LRMDA: variants seen among roughly 807,000 people sequenced by gnomAD.
LRMDA encodes the protein leucine rich melanocyte differentiation associated.
Under a neutral mutation model 29.8 loss-of-function variants are expected in LRMDA, and 18 were observed. The ratio of observed to expected loss-of-function variants is 0.60; its 90% CI spans 0.42 to 0.90. LRMDA has a LOEUF of 0.90. Among genes scored for constraint, LRMDA ranks in the 40% least tolerant of loss-of-function variants. LRMDA has a pLI of 0.00. For missense variants in LRMDA, 273 were observed against 273.9 expected, an observed-to-expected ratio of 1.00 and a Z score of 0.02; for synonymous variants, 125 against 109.4, an observed-to-expected ratio of 1.14 and a Z score of -0.89.
At chr10:76,252,678 T>A (rs1346070983) in intron 5 of LRMDA, among the ~76,000 whole-genome samples, 1 of 152,180 alleles carries the variant, frequency 6.6e-6, no homozygotes, top group African/African-American at 2.4e-5. Flanking sequence ...TAGGGAGATG[T>A]TAGGTTTTTC....
At chr10:75,754,803 C>CGCGA (rs1158171584) in intron 2 of LRMDA, among the ~76,000 whole-genome samples, 5 of 152,130 alleles carry the variant, frequency 3.3e-5, no homozygotes, top group Non-Finnish European at 7.3e-5. Flanking sequence ...CTTTCTCTCT[C>CGCGA]GGTCACTGCC....
chr10:76,412,203 G>A (rs1841969246), intron 6 of LRMDA, among the ~76,000 whole-genome samples: 1 of 152,206 alleles, frequency 6.6e-6, no homozygotes, highest in Non-Finnish European at 1.5e-5. Context: ...GTTAAGAAAA[G>A]GTGCTTGTAG....
chr10:76,045,081 T>A (rs1423166606), intron 3 of LRMDA, among the ~76,000 whole-genome samples: 1 of 150,798 alleles, frequency 6.6e-6, no homozygotes, highest in Non-Finnish European at 1.5e-5. Context: ...AGTTTCCCCC[T>A]CTCTTGCTAG....
intron 2 of LRMDA, among the ~76,000 whole-genome samples, chr10:76,013,496 G>A (rs544420332): frequency 9.9e-5 from 15 of 152,170 alleles, no homozygotes; most frequent in South Asian, 2.1e-4. Flanking sequence ...ACAGAAGAGC[G>A]CTCTTTAAGG....
intron 6 of LRMDA, among the ~76,000 whole-genome samples, chr10:76,467,187 A>G (rs1270915217): frequency 2.0e-5 from 3 of 152,212 alleles, no homozygotes; most frequent in Non-Finnish European, 4.4e-5. Context: ...GAAAACGTGA[A>G]TTAAGTGTGG....
chr10:76,532,213 T>G (rs2132374474), intron 6 of LRMDA, among the ~76,000 whole-genome samples: 1 of 152,242 alleles, frequency 6.6e-6, no homozygotes, highest in African/African-American at 2.4e-5. Flanking sequence ...TGTGTGATGT[T>G]CCCCTCCCTG....
intron 2 of LRMDA, among the ~76,000 whole-genome samples, chr10:75,742,368 C>G (rs1842840352): frequency 6.6e-6 from 1 of 152,128 alleles, no homozygotes; most frequent in South Asian, 2.1e-4. Context: ...GCAGACAGTT[C>G]AACAAGATGG....
intron 5 of LRMDA, among the ~76,000 whole-genome samples, chr10:76,076,345 CAAAAAAA>C (rs397846101): frequency 2.0e-5 from 1 of 50,028 alleles, no homozygotes; most frequent in Non-Finnish European, 3.5e-5. Flanking sequence ...GACTCCATCT[CAAAAAAA>C]AAAAAAAAAA....
At chr10:76,508,877 T>C (rs10824419) in intron 6 of LRMDA, among the ~76,000 whole-genome samples, 41,999 of 152,064 alleles carry the variant, frequency 0.28, 6,448 homozygotes, top group Non-Finnish European at 0.34. Flanking sequence ...GTGATAGAAC[T>C]ACTATTTGAA....
At chr10:75,778,549 A>G (rs1428336672) in intron 2 of LRMDA, among the ~76,000 whole-genome samples, 2 of 152,158 alleles carry the variant, frequency 1.3e-5, no homozygotes, top group East Asian at 1.9e-4. Context: ...TAGTCAATCA[A>G]TGAGGATGGG....
intron 2 of LRMDA, among the ~76,000 whole-genome samples, chr10:75,452,743 G>A (rs1844475311): frequency 6.6e-6 from 1 of 151,984 alleles, no homozygotes; most frequent in Non-Finnish European, 1.5e-5. Context: ...GGAGTTTGAG[G>A]CAGCAATTTT....
intron 2 of LRMDA, among the ~76,000 whole-genome samples, chr10:75,598,311 G>A (rs1053737868): frequency 2.0e-5 from 3 of 152,124 alleles, no homozygotes; most frequent in African/African-American, 7.2e-5. Flanking sequence ...GAAGCTGTGT[G>A]CTCGTCTCTC....
intron 6 of LRMDA, among the ~76,000 whole-genome samples, chr10:76,428,231 TGAGA>T (rs148602813): frequency 6.6e-6 from 1 of 151,768 alleles, no homozygotes; most frequent in Non-Finnish European, 1.5e-5. Context: ...AGTTCTTCAT[TGAGA>T]GAGAGAGAGC....
chr10:75,943,513 T>G (rs1451687771), intron 2 of LRMDA, among the ~76,000 whole-genome samples: 2 of 152,186 alleles, frequency 1.3e-5, no homozygotes, highest in Non-Finnish European at 2.9e-5. Flanking sequence ...TTTATGTCAT[T>G]AGAAAGAAAA....
At chr10:76,539,042 G>A (rs1291467798) in intron 6 of LRMDA, among the ~76,000 whole-genome samples, 1 of 151,770 alleles carries the variant, frequency 6.6e-6, no homozygotes. Flanking sequence ...TTAGTCAGTT[G>A]GTCTATTTTT....
intron 6 of LRMDA, among the ~76,000 whole-genome samples, chr10:76,365,062 G>A (rs1244134452): frequency 5.2e-5 from 5 of 95,872 alleles, no homozygotes; most frequent in Admixed American, 1.2e-4. Context: ...GTATTCCATC[G>A]TATATATATA....
chr10:75,733,303 T>C (rs1487388870), intron 2 of LRMDA, among the ~76,000 whole-genome samples: 1 of 152,220 alleles, frequency 6.6e-6, no homozygotes, highest in Admixed American at 6.5e-5. Context: ...TTATTCTGAA[T>C]TGATTCCTGT....
At chr10:76,444,662 C>T (rs1389174101) in intron 6 of LRMDA, among the ~76,000 whole-genome samples, 1 of 152,076 alleles carries the variant, frequency 6.6e-6, no homozygotes, top group Non-Finnish European at 1.5e-5. Context: ...CAGAACTCAC[C>T]CTATCACACG....
intron 5 of LRMDA, among the ~76,000 whole-genome samples, chr10:76,233,275 G>A (rs1852093712): frequency 1.3e-5 from 2 of 152,330 alleles, no homozygotes; most frequent in South Asian, 4.1e-4. Context: ...TCTGTGAGGT[G>A]TATGATAACA....
Sources: allele counts gnomAD v4.1 joint callset (sites outside exome capture counted in the v4.1 genomes callset), GRCh38; gene constraint gnomAD v4.1.1; transcripts MANE v1.5; gene names NCBI Gene and HGNC (gene_info 2026-07-23, HGNC 2026-07-21).